The following DENND5A variants were observed in gnomAD, a reference collection of about 807,000 sequenced individuals.
DENND5A encodes DENN domain containing 5A, also known as DENN domain-containing protein 5A.
A neutral mutation model predicts 140.3 loss-of-function variants in DENND5A; 64 were observed. The observed-to-expected ratio is 0.46, with a 90% CI of 0.37 to 0.56. The LOEUF (loss-of-function observed/expected upper bound fraction) is 0.56. DENND5A is among the 20% of genes least tolerant of loss of function. The pLI is 0.00. For missense variants in DENND5A, 1,292 were observed against 1,593.8 expected, an observed-to-expected ratio of 0.81 and a Z score of 3.22; for synonymous variants, 605 against 607.7, an observed-to-expected ratio of 1.00 and a Z score of 0.07.
intron 4 of DENND5A, among the ~76,000 whole-genome samples, chr11:9,201,392 A>AAT (rs1554924382): frequency 0.16 from 24,258 of 150,870 alleles, 2,092 homozygotes; most frequent in Non-Finnish European, 0.2. Flanking sequence ...AAAAAAAAAA[A>AAT]TTTTAAGGCT....
chr11:9,255,944 T>C (rs1229298148), intron 1 of DENND5A, among the ~76,000 whole-genome samples: 1 of 149,682 alleles, frequency 6.7e-6, no homozygotes, highest in Non-Finnish European at 1.5e-5. Flanking sequence ...GAGAATGGCC[T>C]GAACCCGGGA....
chr11:9,207,032 C>T (rs949613877), intron 2 of DENND5A: 17 of 506,140 alleles, frequency 3.4e-5, no homozygotes, highest in African/African-American at 3.1e-4. Context: ...AATTACTACT[C>T]AAACCCAATG....
Position 9,167,764 on chromosome 11 carries a change from T to C in DENND5A, c.2152-1797A>G, listed in dbSNP as rs557272827. On this transcript the variant is annotated intron_variant, in intron 10 of 22. Transcript: ENST00000328194. ...GTTGCAGTGAGCCAAGGTTACACCA[T>C]TGCACTCCAACCTGGGTGACAGAGT... Among the ~76,000 whole-genome samples the C allele has an allele frequency of 4.6e-5, 7 of 152,146 alleles. No homozygotes were observed. In the East Asian group the frequency reaches 7.8e-4, roughly 17 times the overall value.
chr11:9,207,554 T>C lies in DENND5A; in HGVS notation c.181+7A>G. On this transcript the variant is annotated splice_region_variant and intron_variant, in intron 2 of 22. Coordinates refer to ENST00000328194, the MANE Select transcript of DENND5A (RefSeq NM_015213.4). ...TTTGGGTGTTCTCAATTTTGTTTTGTTTTTACCTTCAGTCGTACTTGAAAT... is the reference window on the plus strand; with the variant it reads ...TTTGGGTGTTCTCAATTTTGTTTTGCTTTTACCTTCAGTCGTACTTGAAAT... The C allele has an allele frequency of 7.5e-6, 12 of 1,610,646 alleles. No individual in the cohort carries two copies. The highest frequency in any genetic ancestry group is 1.0e-5 in the Non-Finnish European group (12 of 1,177,222).
intron 1 of DENND5A, among the ~76,000 whole-genome samples, chr11:9,237,828 A>G (rs890670515): frequency 6.6e-6 from 1 of 152,188 alleles, no homozygotes; most frequent in East Asian, 1.9e-4. Flanking sequence ...GGTTGCAGTG[A>G]GCCGAGATTA....
intron 1 of DENND5A, among the ~76,000 whole-genome samples, chr11:9,227,536 T>C (rs1169520365): frequency 6.6e-6 from 1 of 152,182 alleles, no homozygotes; most frequent in Non-Finnish European, 1.5e-5. Flanking sequence ...GGTAGTGCAG[T>C]ATATTCTGTG....
At chr11:9,249,879 G>A (rs1310278423) in intron 1 of DENND5A, among the ~76,000 whole-genome samples, 1 of 151,862 alleles carries the variant, frequency 6.6e-6, no homozygotes, top group Admixed American at 6.6e-5. Flanking sequence ...TAGAGACAGT[G>A]TTGCACTACG....
At chr11:9,189,867 C>T (rs1053221847) in intron 5 of DENND5A, among the ~76,000 whole-genome samples, 7 of 152,096 alleles carry the variant, frequency 4.6e-5, no homozygotes, top group African/African-American at 9.7e-5. Flanking sequence ...CTTGAACTCC[C>T]GACCTCAGGT....
intron 8 of DENND5A, among the ~76,000 whole-genome samples, chr11:9,174,920 C>A (rs1039747744): frequency 2.4e-4 from 36 of 151,776 alleles, no homozygotes; most frequent in African/African-American, 8.2e-4. Context: ...TTCTATTTGA[C>A]TTCGTACTAG....
chr11:9,243,106 AAAAAAAAAAAC>A (rs1851313611), intron 1 of DENND5A, among the ~76,000 whole-genome samples: 3 of 133,930 alleles, frequency 2.2e-5, no homozygotes, highest in Non-Finnish European at 4.6e-5. Flanking sequence ...AAAAAAAAAC[AAAAAAAAAAAC>A]TGAGGCGAGT....
At chr11:9,177,167 T>C (rs1021671030) in intron 8 of DENND5A, among the ~76,000 whole-genome samples, 3 of 150,606 alleles carry the variant, frequency 2.0e-5, no homozygotes, top group African/African-American at 4.9e-5. Flanking sequence ...GGTGAGAGAA[T>C]TGCTTGAGCC....
At chr11:9,143,355 C>G in intron 20 of DENND5A, 48 bp downstream of exon 20, 1 of 1,508,106 alleles carries the variant, frequency 6.6e-7, no homozygotes, top group Non-Finnish European at 9.2e-7. Flanking sequence ...CAAAATTATT[C>G]TCTCTTATTC....
At chr11:9,154,652 C>T (rs946134230) in intron 12 of DENND5A, among the ~76,000 whole-genome samples, 3 of 151,698 alleles carry the variant, frequency 2.0e-5, no homozygotes, top group Non-Finnish European at 4.4e-5. Context: ...CCAACAACTT[C>T]AAAGACAATT....
chr11:9,174,512 A>C (rs1009354888), intron 8 of DENND5A, among the ~76,000 whole-genome samples: 1 of 133,742 alleles, frequency 7.5e-6, no homozygotes, highest in Non-Finnish European at 1.7e-5. Context: ...AAAGAAGGTT[A>C]TTTCTTTTTT....
chr11:9,245,309 CA>C (rs1046155668), intron 1 of DENND5A: 3 of 141,558 alleles, frequency 2.1e-5, no homozygotes, highest in Non-Finnish European at 4.7e-5. Flanking sequence ...ACAAAAAAAA[CA>C]AAAAATGCAG....
intron 16 of DENND5A, 51 bp from the exon 17 acceptor site, chr11:9,145,866 A>G (rs770821732): frequency 1.2e-6 from 2 of 1,601,958 alleles, no homozygotes; most frequent in South Asian, 2.2e-5. Flanking sequence ...AATCTTTCCC[A>G]TACCAGATGG....
At chr11:9,244,904 T>C (rs1851399956) in intron 1 of DENND5A, among the ~76,000 whole-genome samples, 1 of 151,958 alleles carries the variant, frequency 6.6e-6, no homozygotes. Flanking sequence ...CTCGAACTCC[T>C]GGGCTCAAGC....
intron 1 of DENND5A, among the ~76,000 whole-genome samples, chr11:9,234,317 C>CT (rs1850906372): frequency 6.6e-6 from 1 of 151,888 alleles, no homozygotes; most frequent in South Asian, 2.1e-4. Flanking sequence ...CACCGATCCC[C>CT]CCCCCAAAAA....
At chr11:9,186,178 A>T (rs1848907544) in intron 5 of DENND5A, among the ~76,000 whole-genome samples, 1 of 151,992 alleles carries the variant, frequency 6.6e-6, no homozygotes, top group African/African-American at 2.4e-5. Context: ...TGTAAGAATC[A>T]CTTTAAATTT....
Sources: allele counts gnomAD v4.1 joint callset (sites outside exome capture counted in the v4.1 genomes callset), GRCh38; gene constraint gnomAD v4.1.1; transcripts MANE v1.5; gene names NCBI Gene and HGNC (gene_info 2026-07-23, HGNC 2026-07-21).